The following SLC39A4 variants were observed in gnomAD, a reference collection of about 807,000 sequenced individuals.
The protein encoded by SLC39A4 is solute carrier family 39 member 4.
Under a neutral mutation model 56.6 loss-of-function variants are expected in SLC39A4, and 49 were observed. The ratio of observed to expected loss-of-function variants is 0.87; its 90% CI spans 0.69 to 1.10. SLC39A4 has a LOEUF of 1.10. Ranked by LOEUF, SLC39A4 falls within the 50% of genes least tolerant of loss-of-function variation. The probability of loss-of-function intolerance (pLI) is 0.00; values close to 1 mark genes in which losing one functional copy is unlikely to be tolerated. For missense variants in SLC39A4, 993 were observed against 864.2 expected, an observed-to-expected ratio of 1.15 and a Z score of -1.87; for synonymous variants, 540 against 420.4, an observed-to-expected ratio of 1.28 and a Z score of -3.48.
intron 10 of SLC39A4, 30 bp from the exon 11 acceptor site, chr8:144,412,976 C>G: frequency 6.4e-7 from 1 of 1,564,058 alleles, no homozygotes; most frequent in Non-Finnish European, 8.6e-7. Flanking sequence ...AACAGCTCCG[C>G]CCTCCTAGCT....
In SLC39A4 at chr8:144,415,324, G is replaced by A. The variant is rs1822126432; in HGVS notation, c.570C>T (p.Val190=). The change falls in exon 3 of 12, where the codon GTC becomes GTT. Residue 190 remains valine, a synonymous_variant. Coordinates refer to ENST00000301305, the MANE Select transcript of SLC39A4 (RefSeq NM_130849.4). ...AGGCGTGGAAGCAAGACCCGCTCCT[G>A]ACATGGTCCAGCAGGGCAGCCAGGA... ...GGVLAALLDH[V]RSGSCFHALP... 1 of 1,612,718 alleles carries A rather than the reference G, an allele frequency of 6.2e-7. No individual in the cohort carries two copies. Among genetic ancestry groups the A allele is most frequent in the Non-Finnish European group, 8.5e-7 (1 of 1,179,788 alleles).
At position 144,414,908 on chromosome 8, in the gene SLC39A4, C is replaced by T. The variant is rs139609894; in HGVS notation, c.805-12G>A. ...GCACTCAGGCATACCTGGGGGGTGG[C>T]AGGACAGGCTCAGGGGCCCAAGCAG... On this transcript the variant is annotated splice_polypyrimidine_tract_variant and intron_variant, in intron 4 of 11. Transcript: ENST00000301305. 6.1e-3 allele frequency: 9,834 copies of T among 1,613,182 alleles called. 54 individuals carry two copies. The highest frequency in any genetic ancestry group is 7.5e-3 in the Non-Finnish European group (8,837 of 1,179,936).
intron 1 of SLC39A4, chr8:144,416,396 G>A (rs1342298965): frequency 3.5e-6 from 5 of 1,447,260 alleles, no homozygotes; most frequent in Non-Finnish European, 2.7e-6. Flanking sequence ...GGGAGAAGAG[G>A]GACTGTGTCC....
intron 1 of SLC39A4, 181 bp downstream of exon 1, chr8:144,416,417 C>T (rs1822200977): frequency 6.2e-6 from 9 of 1,445,718 alleles, no homozygotes; most frequent in Non-Finnish European, 7.2e-6. Context: ...CTGGAAAGGC[C>T]TGTCTGCCCT....
chr8:144,412,870 C>T lies in SLC39A4; in HGVS notation c.1704G>A (p.Thr568=), dbSNP rs115808560. The T allele has an allele frequency of 2.8e-4, 453 of 1,611,708 alleles. 2 individuals are homozygous for T. The African/African-American group carries it at 5.4e-3, about 19-fold the overall frequency. The change falls in exon 11 of 12, where the codon ACG becomes ACA. Residue 568 remains threonine (T), a synonymous_variant. Transcript: ENST00000301305. ...GTGCCACGTAGAGACCAGCGAAGGC[C>T]GTGAGCGCGGAGGCCAGGTTCAGCA... is the stretch of plus-strand genomic sequence containing the variant. The part of the protein sequence containing the change: ...ALLLNLASAL[T]AFAGLYVALA...
At chr8:144,413,122 C>T in intron 10 of SLC39A4, 115 bp downstream of exon 10, 1 of 1,500,214 alleles carries the variant, frequency 6.7e-7, no homozygotes, top group Non-Finnish European at 8.9e-7. Context: ...CCGGTCTCCC[C>T]ACCCAGCCAG....
chr8:144,416,828 C>T lies in SLC39A4; in HGVS notation c.-39G>A. 3.8e-6 allele frequency: 6 copies of T among 1,589,062 alleles called. No homozygotes were observed. Among genetic ancestry groups the T allele is most frequent in the East Asian group, 2.3e-5 (1 of 43,724 alleles). On this transcript the variant is annotated 5_prime_UTR_variant, in exon 1 of 12. Coordinates refer to ENST00000301305, the MANE Select transcript of SLC39A4 (RefSeq NM_130849.4). ...CGTGCTCAGTGGGTGTTGCTGTGGCCAAGGCCCAGTGCTTCTGGGCTGGCT... is the reference window on the plus strand; with the variant it reads ...CGTGCTCAGTGGGTGTTGCTGTGGCTAAGGCCCAGTGCTTCTGGGCTGGCT...
Position 144,412,507 on chromosome 8 carries a change from T to C in SLC39A4, c.*31A>G. 1.2e-6 allele frequency: 2 copies of C among 1,614,000 alleles called. No individual in the cohort carries two copies. Among genetic ancestry groups the C allele is most frequent in the Non-Finnish European group, 1.7e-6 (2 of 1,179,974 alleles). On this transcript the variant is annotated 3_prime_UTR_variant, in exon 12 of 12. Transcript: ENST00000301305. ...TGTAGGTTTGTGAGGTGTGGGATCT[T>C]AAGTCAAAGGTGGGGGACTAGGGCA...
chr8:144,412,430 T>G lies in SLC39A4; in HGVS notation c.*108A>C, dbSNP rs978575603. On this transcript the variant is annotated 3_prime_UTR_variant, in exon 12 of 12. Transcript: ENST00000301305. ...CAGCCATGCTCCAAGGACAAGAGTG[T>G]CTTTACTGGAGTTGGGACTGGGGCC... 2.5e-6 allele frequency: 4 copies of G among 1,568,712 alleles called. No homozygotes were observed. Among genetic ancestry groups the G allele is most frequent in the Non-Finnish European group, 3.5e-6 (4 of 1,142,124 alleles).
At chr8:144,415,441 C>T (rs1822137141) in intron 2 of SLC39A4, 22 bp from the exon 3 acceptor site, 1 of 1,579,768 alleles carries the variant, frequency 6.3e-7, no homozygotes, top group African/African-American at 1.3e-5. Context: ...GGGGCCTCCG[C>T]CTCAGCCTTT....
At position 144,413,867 on chromosome 8, in the gene SLC39A4, C is replaced by T. The variant is rs1554872680; in HGVS notation, c.1302G>A (p.Gly434=). 3.7e-6 allele frequency: 6 copies of T among 1,603,302 alleles called. No individual in the cohort carries two copies. Among genetic ancestry groups the T allele is most frequent in the South Asian group, 2.2e-5 (2 of 89,704 alleles). ...LPRDPEDLED[G]PCGHSSHSHG... The stretch of plus-strand genomic sequence containing the variant: ...GGCTATGGCTGCTGTGGCCGCAGGG[C>T]CCGTCCTCCAGGTCCTGTGAGGGTA... Residue 434 remains glycine (G), a synonymous_variant, in exon 8 of 12, where the codon GGG becomes GGA. Coordinates refer to ENST00000301305, the MANE Select transcript of SLC39A4 (RefSeq NM_130849.4).
chr8:144,413,209 T>C, intron 10 of SLC39A4, 28 bp downstream of exon 10: 1 of 1,215,472 alleles, frequency 8.2e-7, no homozygotes, highest in East Asian at 4.8e-5. Context: ...GCCCCGCCCA[T>C]CTCCTTCCAG....
chr8:144,414,680 G>A lies in SLC39A4; in HGVS notation c.976+45C>T, dbSNP rs201978460. 116 of 1,606,722 alleles carry A rather than the reference G, an allele frequency of 7.2e-5. 1 individual carries two copies. The East Asian group carries it at 2.5e-3, about 35-fold the overall frequency. Reference sequence around the variant, plus strand: ...CAGCCACTCCTTCCTTCCTACACGGGCTCCACCTCTGTGCTGCCAGCACAA... The same window carrying A: ...CAGCCACTCCTTCCTTCCTACACGGACTCCACCTCTGTGCTGCCAGCACAA... On this transcript the variant is annotated intron_variant, in intron 5 of 11. Coordinates refer to ENST00000301305, the MANE Select transcript of SLC39A4 (RefSeq NM_130849.4).
In SLC39A4 at chr8:144,414,332, A is replaced by T. The variant is rs782354349; in HGVS notation, c.1079T>A (p.Ile360Asn). ...TGCCAGGCTCAGGAAGGTCTGCAGG[A>T]TGTAGTGGGTGACCCCCCTGCAGCC... ...CTGCRGVTHY[I>N]LQTFLSLAVG... The change falls in exon 6 of 12, where the codon ATC (isoleucine) becomes AAC (asparagine). Residue 360 changes from isoleucine (I) to asparagine (N), a missense_variant. By Grantham distance (149) the Ile-to-Asn change is moderately radical. Coordinates refer to ENST00000301305, the MANE Select transcript of SLC39A4 (RefSeq NM_130849.4). 6.3e-7 allele frequency: 1 copy of T among 1,599,950 alleles called. No individual in the cohort carries two copies. Among genetic ancestry groups the T allele is most frequent in the Non-Finnish European group, 8.5e-7 (1 of 1,174,938 alleles).
rs201946076 is a variant in SLC39A4 at position 144,414,269 on chromosome 8, G to A, written c.1142C>T (p.Thr381Met). Residue 381 changes from threonine to methionine, a missense_variant, in exon 6 of 12, where the codon ACG becomes ATG. Coordinates refer to ENST00000301305, the MANE Select transcript of SLC39A4 (RefSeq NM_130849.4). ...GGGTTTGTGGGGGCAGACCTTGGGC[G>A]TCAGATGCAGGACAGCGTCCCCAGT... is the stretch of plus-strand genomic sequence containing the variant. The part of the protein sequence containing the change: ...AVTGDAVLHL[T>M]PKVLGLHTHS... 4.9e-5 allele frequency: 79 copies of A among 1,608,704 alleles called. No individual in the cohort carries two copies. Among genetic ancestry groups the A allele is most frequent in the Admixed American group, 1.9e-4 (11 of 59,162 alleles).
chr8:144,416,609 G>A lies in SLC39A4; in HGVS notation c.181C>T (p.Pro61Ser). Residue 61 changes from proline (P) to serine (S), a missense_variant, in exon 1 of 12, where the codon CCG becomes TCG. By Grantham distance (74) the Pro-to-Ser change is moderately conservative. Transcript: ENST00000301305. Reference protein sequence around the residue: ...LADRVHCANGPCGKCLSVEDA... With the variant: ...LADRVHCANGSCGKCLSVEDA... ...GGTGGGGCTGTTACCTTTCCACACG[G>A]CCCGTTGGCGCAGTGCACACGGTCC... The A allele has an allele frequency of 8.2e-6, 13 of 1,589,142 alleles. No individual in the cohort carries two copies. The highest frequency in any genetic ancestry group is 1.1e-5 in the Non-Finnish European group (13 of 1,169,192).
chr8:144,414,913 C>A lies in SLC39A4; in HGVS notation c.805-17G>T, dbSNP rs782015161. 3 of 1,613,062 alleles carry A rather than the reference C, an allele frequency of 1.9e-6. No individual in the cohort carries two copies. The African/African-American group carries it at 4.0e-5, about 22-fold the overall frequency. On this transcript the variant is annotated splice_polypyrimidine_tract_variant and intron_variant, in intron 4 of 11. Transcript: ENST00000301305. Reference sequence around the variant, plus strand: ...CAGGCATACCTGGGGGGTGGCAGGACAGGCTCAGGGGCCCAAGCAGACCCC... The same window carrying A: ...CAGGCATACCTGGGGGGTGGCAGGAAAGGCTCAGGGGCCCAAGCAGACCCC...
chr8:144,414,496 C>T (rs1362313366), intron 5 of SLC39A4, 62 bp from the exon 6 acceptor site: 56 of 1,546,600 alleles, frequency 3.6e-5, no homozygotes, highest in South Asian at 2.4e-4. Context: ...GCTTCCCGGG[C>T]GCTGCTCACC....
In SLC39A4 at chr8:144,416,722, G is replaced by A. The variant is rs1238150768; in HGVS notation, c.68C>T (p.Ser23Phe). Residue 23 changes from serine (S) to phenylalanine (F), a missense_variant, in exon 1 of 12, where the codon TCC becomes TTC. By Grantham distance (155) the Ser-to-Phe change is radical. Transcript: ENST00000301305. ...LAVLVVTATA[S>F]PPAGLLSLLT... Reference sequence around the variant, plus strand: ...CAGGCTCAGCAGACCAGCAGGCGGGGACGCCGTCGCCGTCACCACCAGCAC... The same window carrying A: ...CAGGCTCAGCAGACCAGCAGGCGGGAACGCCGTCGCCGTCACCACCAGCAC... 1 of 1,612,646 alleles carries A rather than the reference G, an allele frequency of 6.2e-7. No homozygotes were observed. Among genetic ancestry groups the A allele is most frequent in the African/African-American group, 1.3e-5 (1 of 75,050 alleles).
Sources: gnomAD v4.1 joint callset for allele counts on GRCh38, gnomAD v4.1.1 for gene constraint, MANE v1.5 for transcripts, NCBI Gene and HGNC (gene_info 2026-07-23, HGNC 2026-07-21) for gene names.